Variants in PARVA observed in about 807,000 individuals in gnomAD.
The protein encoded by PARVA is parvin alpha, also known as alpha-parvin.
PARVA carries 25 observed loss-of-function variants against 52.6 expected under a neutral mutation model. The observed-to-expected ratio is 0.48, with a 90% CI of 0.35 to 0.66. The LOEUF is 0.66. Among genes scored for constraint, PARVA ranks in the 30% least tolerant of loss-of-function variants. The pLI, the probability that PARVA is intolerant of heterozygous loss-of-function variation, is 0.01. For missense variants in PARVA, 373 were observed against 450.9 expected (o/e 0.83, Z 1.56); for synonymous variants, 185 against 179.1 (o/e 1.03, Z -0.26).
chr11:12,520,146 A>G (rs1216480460), intron 12 of PARVA, among the ~76,000 whole-genome samples: 1 of 152,228 alleles, frequency 6.6e-6, no homozygotes, highest in East Asian at 1.9e-4. Context: ...TATAGGTGAT[A>G]TTTTTATGCA....
At chr11:12,461,987 A>G (rs894605865) in intron 1 of PARVA, among the ~76,000 whole-genome samples, 8 of 152,194 alleles carry the variant, frequency 5.3e-5, no homozygotes, top group African/African-American at 1.4e-4. Context: ...CTGAAGCCAC[A>G]TATTATAACC....
At position 12,429,860 on chromosome 11, in the gene PARVA, T is replaced by G. The variant is rs1357203433; in HGVS notation, c.137-43885T>G. Among the ~76,000 whole-genome samples, 3 of 152,190 alleles carry G rather than the reference T, an allele frequency of 2.0e-5. No individual in the cohort carries two copies. The East Asian group carries it at 5.8e-4, about 29-fold the overall frequency. ...CATAACTGGGATAAACTGAAACCTC[T>G]TTCAGCTTCAGTACTGAGTATAACT... is the stretch of plus-strand genomic sequence containing the variant. On this transcript the variant is annotated intron_variant, in intron 1 of 12. Coordinates refer to ENST00000334956, the MANE Select transcript of PARVA (RefSeq NM_018222.5).
intron 1 of PARVA, among the ~76,000 whole-genome samples, chr11:12,379,077 G>A (rs1939447271): frequency 6.6e-6 from 1 of 152,238 alleles, no homozygotes; most frequent in Admixed American, 6.5e-5. Flanking sequence ...AGACCATATA[G>A]GGTAACTTCC....
chr11:12,517,490 C>T, intron 10 of PARVA, 120 bp from the exon 11 acceptor site: 1 of 735,316 alleles, frequency 1.4e-6, no homozygotes, highest in Non-Finnish European at 2.4e-6. Context: ...TACCCCCGAG[C>T]TAGCAGCCTG....
At chr11:12,452,882 C>T in intron 1 of PARVA, 1 of 380,484 alleles carries the variant, frequency 2.6e-6, no homozygotes, top group Admixed American at 2.9e-5. Flanking sequence ...CTTCGGGAAG[C>T]ATTTGAGAAG....
intron 5 of PARVA, among the ~76,000 whole-genome samples, chr11:12,502,824 G>C (rs569264320): frequency 1.2e-4 from 18 of 151,598 alleles, no homozygotes; most frequent in Non-Finnish European, 2.5e-4. Flanking sequence ...TTTTAATGAA[G>C]GCTTTTGGGG....
At chr11:12,480,768 A>T (rs1245772028) in intron 4 of PARVA, 2 of 150,318 alleles carry the variant, frequency 1.3e-5, no homozygotes, top group African/African-American at 4.9e-5. Flanking sequence ...TTCAAAGCCC[A>T]TAATGGGTAG....
rs777381830 is a variant in PARVA, at chr11:12,504,311, C to T, written c.542-3C>T. The T allele has an allele frequency of 5.5e-5, 87 of 1,568,028 alleles. 3 individuals carry two copies. In the South Asian group the frequency reaches 9.7e-4, roughly 17 times the overall value. On this transcript the variant is annotated splice_polypyrimidine_tract_variant and splice_region_variant and intron_variant, in intron 5 of 12. Transcript: ENST00000334956. ...GTAATTTTTCAATCTTCTTTCATTTCAGCTGTTCATGCCAAGAGCCTGGTG... is the reference window on the plus strand; with the variant it reads ...GTAATTTTTCAATCTTCTTTCATTTTAGCTGTTCATGCCAAGAGCCTGGTG...
chr11:12,533,334 C>T lies in PARVA; in HGVS notation c.*5409C>T, dbSNP rs1941795775. Among the ~76,000 whole-genome samples the T allele has an allele frequency of 6.6e-6, 1 of 152,228 alleles. No individual in the cohort carries two copies. The highest frequency in any genetic ancestry group is 6.5e-5 in the Admixed American group (1 of 15,288). On this transcript the variant is annotated 3_prime_UTR_variant, in exon 13 of 13. Coordinates refer to ENST00000334956, the MANE Select transcript of PARVA (RefSeq NM_018222.5). ...TTACCAACGGCAGGAGCAGGAATCC[C>T]ACCATTCAGCCTGTGGGCTTGACAA...
intron 12 of PARVA, among the ~76,000 whole-genome samples, chr11:12,525,617 G>C (rs1169128512): frequency 6.6e-6 from 1 of 152,156 alleles, no homozygotes; most frequent in East Asian, 1.9e-4. Flanking sequence ...AATTGGCCTA[G>C]AGGGCATGGG....
At chr11:12,470,943 T>G (rs1940924881) in intron 1 of PARVA, among the ~76,000 whole-genome samples, 1 of 152,168 alleles carries the variant, frequency 6.6e-6, no homozygotes, top group African/African-American at 2.4e-5. Flanking sequence ...AAGATAACGG[T>G]GGCTCAAGTC....
chr11:12,409,236 T>C (rs1221441373), intron 1 of PARVA, among the ~76,000 whole-genome samples: 1 of 152,224 alleles, frequency 6.6e-6, no homozygotes, highest in Non-Finnish European at 1.5e-5. Flanking sequence ...GTGGTGTGCC[T>C]GGTACACAGA....
chr11:12,488,578 G>C (rs908907918), intron 4 of PARVA, among the ~76,000 whole-genome samples: 4 of 152,180 alleles, frequency 2.6e-5, no homozygotes, highest in Admixed American at 2.0e-4. Context: ...CCCCTGAATA[G>C]AGCCATGGTC....
intron 4 of PARVA, among the ~76,000 whole-genome samples, chr11:12,486,705 G>A (rs1941163174): frequency 6.6e-6 from 1 of 152,056 alleles, no homozygotes; most frequent in Non-Finnish European, 1.5e-5. Context: ...AATTAGTGGG[G>A]CATGGTGGTG....
chr11:12,430,052 T>A (rs1469557647), intron 1 of PARVA, among the ~76,000 whole-genome samples: 2 of 152,234 alleles, frequency 1.3e-5, no homozygotes, highest in African/African-American at 4.8e-5. Flanking sequence ...CATTCCTTCA[T>A]CATTTTCTTA....
At chr11:12,420,570 G>C (rs1940134223) in intron 1 of PARVA, among the ~76,000 whole-genome samples, 1 of 152,150 alleles carries the variant, frequency 6.6e-6, no homozygotes, top group Admixed American at 6.5e-5. Flanking sequence ...ATAATAAGGA[G>C]TATGGTTCTG....
At chr11:12,478,212 A>G (rs1589973270) in intron 4 of PARVA, 1 of 529,274 alleles carries the variant, frequency 1.9e-6, no homozygotes. Flanking sequence ...AGATGAAAAG[A>G]CCCCACTGTA....
chr11:12,513,125 C>CA, intron 8 of PARVA, 174 bp from the exon 9 acceptor site: 2 of 721,228 alleles, frequency 2.8e-6, no homozygotes, highest in South Asian at 2.9e-5. Context: ...AGAATCACCC[C>CA]AAATCTTAGC....
chr11:12,415,691 G>A (rs1309056122), intron 1 of PARVA, among the ~76,000 whole-genome samples: 1 of 152,126 alleles, frequency 6.6e-6, no homozygotes, highest in Non-Finnish European at 1.5e-5. Context: ...GAAATATGGT[G>A]GTAGTAAAAT....
Sources: allele counts gnomAD v4.1 joint callset (sites outside exome capture counted in the v4.1 genomes callset), GRCh38; gene constraint gnomAD v4.1.1; transcripts MANE v1.5; gene names NCBI Gene and HGNC (gene_info 2026-07-23, HGNC 2026-07-21).